PEX5L: variants seen among roughly 807,000 people sequenced by gnomAD.
PEX5L encodes PEX5-related protein.
PEX5L carries 30 observed loss-of-function variants against 84.0 expected under a neutral mutation model. That is an observed-to-expected ratio of 0.36 (90% confidence interval 0.27 to 0.48). PEX5L has a LOEUF of 0.48. Ranked by LOEUF, PEX5L falls within the 20% of genes least tolerant of loss-of-function variation. The pLI is 0.99. For missense variants in PEX5L, 533 were observed against 754.6 expected (o/e 0.71, Z 3.44); for synonymous variants, 270 against 283.1 (o/e 0.95, Z 0.46).
At position 179,808,421 on chromosome 3, in the gene PEX5L, C is replaced by T; in HGVS notation, c.1369G>A (p.Val457Met). The change falls in exon 13 of 15, where the codon GTG becomes ATG. Residue 457 changes from valine to methionine, a missense_variant. Transcript: ENST00000467460. ...SPVDSSVLEG[V>M]KELYLEAAHQ... The stretch of plus-strand genomic sequence containing the variant: ...GCAGCTTCCAGATATAATTCCTTCA[C>T]CCCTTCCAGAACAGAGCTACAAGAG... 2 of 1,548,868 alleles carry T rather than the reference C, an allele frequency of 1.3e-6. No individual in the cohort carries two copies. The highest frequency in any genetic ancestry group is 1.7e-6 in the Non-Finnish European group (2 of 1,150,388).
intron 7 of PEX5L, among the ~76,000 whole-genome samples, chr3:179,864,890 TAGAGG>T (rs2108596266): frequency 6.6e-6 from 1 of 152,270 alleles, no homozygotes; most frequent in Non-Finnish European, 1.5e-5. Context: ...TGAATGGCAG[TAGAGG>T]AAAGTGAAAG....
intron 5 of PEX5L, among the ~76,000 whole-genome samples, chr3:179,879,702 A>G (rs1232693300): frequency 6.6e-6 from 1 of 152,194 alleles, no homozygotes; most frequent in East Asian, 1.9e-4. Flanking sequence ...CTATAACTCA[A>G]TATTTGTGGG....
chr3:179,986,529 A>T (rs1786853361), intron 1 of PEX5L, among the ~76,000 whole-genome samples: 1 of 151,068 alleles, frequency 6.6e-6, no homozygotes, highest in Non-Finnish European at 1.5e-5. Flanking sequence ...CAGCCTCCCG[A>T]GTAGCTGGGA....
intron 11 of PEX5L, among the ~76,000 whole-genome samples, chr3:179,810,002 CTTTTTTTTTTTTTTTT>C (rs35662193): frequency 6.6e-5 from 3 of 45,308 alleles, no homozygotes; most frequent in East Asian, 1.0e-3. Context: ...TTTAATGCTG[CTTTTTTTTTTTTTTTT>C]TTTTTTTTTT....
At chr3:179,932,797 T>C (rs767290836) in intron 2 of PEX5L, among the ~76,000 whole-genome samples, 4 of 152,196 alleles carry the variant, frequency 2.6e-5, no homozygotes, top group Non-Finnish European at 5.9e-5. Flanking sequence ...GAAATATGCA[T>C]GCATTGTGGA....
At chr3:179,998,979 T>G (rs1297802688) in intron 1 of PEX5L, among the ~76,000 whole-genome samples, 1 of 152,156 alleles carries the variant, frequency 6.6e-6, no homozygotes, top group Non-Finnish European at 1.5e-5. Context: ...CACTACAGCC[T>G]CTTTTTAGGA....
chr3:179,972,356 C>T (rs1187823932), intron 1 of PEX5L, among the ~76,000 whole-genome samples: 1 of 151,668 alleles, frequency 6.6e-6, no homozygotes, highest in Admixed American at 6.6e-5. Context: ...TCCTCCATTG[C>T]AAAATCTATA....
chr3:179,935,133 T>TA, intron 2 of PEX5L, among the ~76,000 whole-genome samples: 1 of 151,906 alleles, frequency 6.6e-6, no homozygotes, highest in Non-Finnish European at 1.5e-5. Context: ...AGTCCTGACT[T>TA]ACAATATGAA....
intron 2 of PEX5L, among the ~76,000 whole-genome samples, chr3:179,906,577 C>T (rs1763294026): frequency 6.6e-6 from 1 of 151,846 alleles, no homozygotes; most frequent in Admixed American, 6.6e-5. Flanking sequence ...TATGATAAAT[C>T]CCAAATTTGT....
At chr3:180,006,305 T>TA (rs1788887548) in intron 1 of PEX5L, among the ~76,000 whole-genome samples, 2 of 152,040 alleles carry the variant, frequency 1.3e-5, no homozygotes, top group African/African-American at 4.8e-5. Flanking sequence ...TTTTTTGCTA[T>TA]AAATGTACAC....
At chr3:179,984,222 A>C (rs1786592727) in intron 1 of PEX5L, among the ~76,000 whole-genome samples, 1 of 152,092 alleles carries the variant, frequency 6.6e-6, no homozygotes, top group Non-Finnish European at 1.5e-5. Flanking sequence ...TTATTCCTAT[A>C]TTTCAATGGA....
At chr3:179,841,188 T>A (rs1737134822) in intron 8 of PEX5L, among the ~76,000 whole-genome samples, 1 of 152,142 alleles carries the variant, frequency 6.6e-6, no homozygotes, top group Non-Finnish European at 1.5e-5. Flanking sequence ...ATGATTCAGT[T>A]TCTGCCTCCT....
At chr3:179,887,219 C>CTA (rs1756167150) in intron 4 of PEX5L, among the ~76,000 whole-genome samples, 1 of 152,192 alleles carries the variant, frequency 6.6e-6, no homozygotes, top group South Asian at 2.1e-4. Context: ...GAAACCGGCT[C>CTA]TATACTATCC....
intron 8 of PEX5L, among the ~76,000 whole-genome samples, chr3:179,854,974 T>C (rs1743344922): frequency 6.6e-6 from 1 of 152,232 alleles, no homozygotes; most frequent in Non-Finnish European, 1.5e-5. Context: ...TTCTGAGGTA[T>C]TGGCAATGCA....
chr3:179,835,253 A>G (rs1195378687), intron 8 of PEX5L, among the ~76,000 whole-genome samples: 1 of 152,208 alleles, frequency 6.6e-6, no homozygotes, highest in Non-Finnish European at 1.5e-5. Context: ...TCCCCTAGAG[A>G]TGTGATCTCA....
intron 2 of PEX5L, among the ~76,000 whole-genome samples, chr3:179,951,954 T>C (rs1779202858): frequency 6.6e-6 from 1 of 152,208 alleles, no homozygotes; most frequent in Admixed American, 6.5e-5. Flanking sequence ...TTCCAACATA[T>C]TTCCAATAGT....
intron 4 of PEX5L, among the ~76,000 whole-genome samples, chr3:179,883,131 C>T (rs540030025): frequency 2.6e-5 from 4 of 152,010 alleles, no homozygotes; most frequent in South Asian, 2.1e-4. Flanking sequence ...AAAGTGTGTG[C>T]GTGTGTGTAT....
In PEX5L at chr3:179,816,012, A is replaced by G; in HGVS notation, c.940-8T>C. The stretch of plus-strand genomic sequence containing the variant: ...AGTGTGAAAGTAATATCCCTGCAAC[A>G]CAGAAAAAGGCCAGTGCATGAGCCA... On this transcript the variant is annotated splice_polypyrimidine_tract_variant and splice_region_variant and intron_variant, in intron 9 of 14. Transcript: ENST00000467460. 1 of 1,613,854 alleles carries G rather than the reference A, an allele frequency of 6.2e-7. No homozygotes were observed. The highest frequency in any genetic ancestry group is 8.5e-7 in the Non-Finnish European group (1 of 1,179,790).
At chr3:180,027,153 G>C (rs1289730130) in intron 1 of PEX5L, among the ~76,000 whole-genome samples, 3 of 152,154 alleles carry the variant, frequency 2.0e-5, no homozygotes, top group Admixed American at 1.3e-4. Context: ...TGCGGAACCA[G>C]TGTCTCAGGC....
Sources: allele counts gnomAD v4.1 joint callset (sites outside exome capture counted in the v4.1 genomes callset), GRCh38; gene constraint gnomAD v4.1.1; transcripts MANE v1.5; gene names NCBI Gene and HGNC (gene_info 2026-07-23, HGNC 2026-07-21).